ANKRD30B: variants seen among roughly 807,000 people sequenced by gnomAD.
The protein encoded by ANKRD30B is ankyrin repeat domain 30B, also known as ankyrin repeat domain-containing protein 30B.
ANKRD30B carries 144 observed loss-of-function variants against 202.2 expected under a neutral mutation model. That is an observed-to-expected ratio of 0.71 (90% CI 0.62 to 0.82). ANKRD30B has a LOEUF of 0.82. ANKRD30B is among the 40% of genes least tolerant of loss of function. The pLI, the probability that ANKRD30B is intolerant of heterozygous loss-of-function variation, is 0.00. For missense variants in ANKRD30B, 1,487 were observed against 1,669.1 expected, an observed-to-expected ratio of 0.89 and a Z score of 1.90; for synonymous variants, 508 against 561.3, an observed-to-expected ratio of 0.91 and a Z score of 1.34.
the ANKRD30B span, among the ~76,000 whole-genome samples, chr18:14,901,332 T>G: frequency 6.6e-6 from 1 of 152,272 alleles, no homozygotes; most frequent in South Asian, 2.1e-4. Flanking sequence ...TGAATGTAGG[T>G]TTTTGATAAT....
At chr18:14,810,286 G>T in intron 28 of ANKRD30B, 106 bp downstream of exon 28, 1 of 724,850 alleles carries the variant, frequency 1.4e-6, no homozygotes, top group Non-Finnish European at 2.1e-6. Flanking sequence ...AAATTTGATG[G>T]GAAAATTTGA....
Position 14,772,189 on chromosome 18 carries a change from GT to G in ANKRD30B, c.1291del (p.Cys431ValfsTer38), listed in dbSNP as rs1430250432. The G allele has an allele frequency of 6.0e-6, 9 of 1,506,604 alleles. No individual in the cohort carries two copies. Among genetic ancestry groups the G allele is most frequent in the African/African-American group, 1.4e-5 (1 of 72,264 alleles). 93.3% of individuals were successfully genotyped at this position (1,506,604 alleles called of 1,614,324 possible). On this transcript the variant is annotated frameshift_variant, in exon 9 of 44. Coordinates refer to ENST00000690538, the MANE Select transcript of ANKRD30B (RefSeq NM_001367607.2). LOFTEE classifies it high-confidence loss of function. Reference sequence around the variant, plus strand: ...GCACACGGACTATTGAAAATTCACAGTGTACAAAAGTTGAGGAAGACTTTAA... The same window carrying G: ...GCACACGGACTATTGAAAATTCACAGGTACAAAAGTTGAGGAAGACTTTAA... ...FGTRTIENSQCTKVEEDFNLA... is the reference protein window; with the variant it reads ...FGTRTIENSQXTKVEEDFNLA...
the ANKRD30B span, among the ~76,000 whole-genome samples, chr18:14,918,454 C>T: frequency 6.6e-6 from 1 of 152,106 alleles, no homozygotes; most frequent in Non-Finnish European, 1.5e-5. Flanking sequence ...TTCTTATGCC[C>T]CACAGAAGAA....
chr18:14,836,990 T>G (rs1311763170), intron 34 of ANKRD30B, among the ~76,000 whole-genome samples: 1 of 152,222 alleles, frequency 6.6e-6, no homozygotes, highest in African/African-American at 2.4e-5. Context: ...TTATTTGTTT[T>G]CACATATCTC....
At chr18:14,811,139 A>G (rs1419738295) in intron 28 of ANKRD30B, among the ~76,000 whole-genome samples, 1 of 151,558 alleles carries the variant, frequency 6.6e-6, no homozygotes, top group East Asian at 1.9e-4. Flanking sequence ...ATAAATTCAC[A>G]ACATATGTGT....
chr18:14,789,176 G>A (rs532825500), intron 15 of ANKRD30B, among the ~76,000 whole-genome samples: 2 of 152,276 alleles, frequency 1.3e-5, no homozygotes, highest in South Asian at 4.2e-4. Context: ...GTGTTTTTTG[G>A]ATGCATAAAT....
intron 9 of ANKRD30B, among the ~76,000 whole-genome samples, chr18:14,774,035 A>C (rs1567997283): frequency 6.6e-6 from 1 of 152,172 alleles, no homozygotes; most frequent in Non-Finnish European, 1.5e-5. Context: ...TTCAGGTGAA[A>C]AGTTTATGGA....
the ANKRD30B span, among the ~76,000 whole-genome samples, chr18:14,873,095 G>C: frequency 1.3e-5 from 2 of 152,198 alleles, no homozygotes; most frequent in African/African-American, 4.8e-5. Context: ...AGAAGTCTGG[G>C]ACAGTGGAAC....
intron 4 of ANKRD30B, among the ~76,000 whole-genome samples, chr18:14,755,402 T>A (rs542564654): frequency 1.1e-4 from 17 of 152,096 alleles, no homozygotes; most frequent in Non-Finnish European, 2.2e-4. Flanking sequence ...AATTTCTTTT[T>A]TTATTATTAT....
chr18:14,848,253 T>C (rs1303500166), intron 39 of ANKRD30B, among the ~76,000 whole-genome samples: 3 of 152,106 alleles, frequency 2.0e-5, no homozygotes, highest in Non-Finnish European at 4.4e-5. Flanking sequence ...TTTAGTTATT[T>C]TAGCTAAGAA....
At position 14,800,199 on chromosome 18, in the gene ANKRD30B, C is replaced by T. The variant is rs1969221095; in HGVS notation, c.2131+904C>T. Among the ~76,000 whole-genome samples the T allele has an allele frequency of 2.0e-5, 3 of 150,992 alleles. No homozygotes were observed. The South Asian group carries it at 6.2e-4, about 31-fold the overall frequency. On this transcript the variant is annotated intron_variant, in intron 22 of 43. Coordinates refer to ENST00000690538, the MANE Select transcript of ANKRD30B (RefSeq NM_001367607.2). ...GTGAGCCAAGCTTGTGCCACTTTAG[C>T]CTGAGTGACAGAGTGAGACTCCATC... is the stretch of plus-strand genomic sequence containing the variant.
the ANKRD30B span, among the ~76,000 whole-genome samples, chr18:14,881,407 C>A: frequency 6.6e-6 from 1 of 151,912 alleles, no homozygotes; most frequent in Admixed American, 6.6e-5. Flanking sequence ...TATGTTAAAC[C>A]ATTCCTGTAT....
the ANKRD30B span, among the ~76,000 whole-genome samples, chr18:14,881,211 G>C: frequency 6.6e-6 from 1 of 152,186 alleles, no homozygotes; most frequent in African/African-American, 2.4e-5. Flanking sequence ...GTATTATGTT[G>C]GCTGTGGGTT....
chr18:14,774,167 A>C (rs982410103), intron 9 of ANKRD30B, among the ~76,000 whole-genome samples: 1 of 152,124 alleles, frequency 6.6e-6, no homozygotes, highest in African/African-American at 2.4e-5. Context: ...TAAAATCTTT[A>C]TTACCCAGGT....
intron 6 of ANKRD30B, among the ~76,000 whole-genome samples, chr18:14,761,418 C>A (rs1355234436): frequency 6.6e-6 from 1 of 151,970 alleles, no homozygotes; most frequent in East Asian, 1.9e-4. Flanking sequence ...GGTAATTAAT[C>A]TGGTCACCCC....
the ANKRD30B span, among the ~76,000 whole-genome samples, chr18:14,916,605 G>A: frequency 5.9e-5 from 9 of 152,300 alleles, no homozygotes; most frequent in East Asian, 1.7e-3. Flanking sequence ...GTGTATGTGT[G>A]TGGTGGGTGG....
the ANKRD30B span, among the ~76,000 whole-genome samples, chr18:14,865,480 G>GCTCATCCC: frequency 1.3e-5 from 2 of 148,756 alleles, no homozygotes; most frequent in Non-Finnish European, 3.0e-5. Context: ...TCTCCTTCCT[G>GCTCATCCC]CTCATCCCCG....
chr18:14,928,978 C>T, the ANKRD30B span, among the ~76,000 whole-genome samples: 3 of 152,266 alleles, frequency 2.0e-5, no homozygotes, highest in East Asian at 5.8e-4. Flanking sequence ...AACTATTCCT[C>T]TGATTAAAAA....
At chr18:14,821,414 T>A (rs1353867497) in intron 30 of ANKRD30B, among the ~76,000 whole-genome samples, 1 of 152,122 alleles carries the variant, frequency 6.6e-6, no homozygotes, top group Non-Finnish European at 1.5e-5. Flanking sequence ...AGCTTTTGAA[T>A]GTGTTTGTTC....
Sources: allele counts gnomAD v4.1 joint callset (sites outside exome capture counted in the v4.1 genomes callset), GRCh38; gene constraint gnomAD v4.1.1; transcripts MANE v1.5; gene names NCBI Gene and HGNC (gene_info 2026-07-23, HGNC 2026-07-21).